SNAP91: variants seen among roughly 807,000 people sequenced by gnomAD.
SNAP91 encodes synaptosome associated protein 91.
In SNAP91, 27 loss-of-function variants were observed where a neutral mutation model predicts 100.3. The ratio of observed to expected loss-of-function variants is 0.27; its 90% CI spans 0.20 to 0.37. The LOEUF (loss-of-function observed/expected upper bound fraction) is 0.37. Among genes scored for constraint, SNAP91 ranks in the 10% least tolerant of loss-of-function variants. SNAP91 has a pLI of 1.00. For missense variants in SNAP91, 986 were observed against 1,123.7 expected (o/e 0.88, Z 1.75); for synonymous variants, 404 against 398.6 (o/e 1.01, Z -0.16).
rs773591036 is a variant in SNAP91 at position 83,601,575 on chromosome 6, C to G, written c.1156+10G>C. ...TCAAAATGGAAGTTTAAAAACAAAG[C>G]TTTACTCACCCTCTCCCAAAAGGTC... On this transcript the variant is annotated intron_variant, in intron 15 of 29. Transcript: ENST00000369694. 1.9e-5 allele frequency: 31 copies of G among 1,613,366 alleles called. No individual in the cohort carries two copies. Among genetic ancestry groups the G allele is most frequent in the Non-Finnish European group, 2.5e-5 (29 of 1,179,546 alleles).
At chr6:83,621,456 C>A (rs2096725627) in intron 9 of SNAP91, among the ~76,000 whole-genome samples, 1 of 151,950 alleles carries the variant, frequency 6.6e-6, no homozygotes, top group African/African-American at 2.4e-5. Flanking sequence ...TCTAACAGAC[C>A]CAGGGCAAGA....
At chr6:83,698,648 G>A (rs921078926) in intron 2 of SNAP91, among the ~76,000 whole-genome samples, 6 of 152,062 alleles carry the variant, frequency 3.9e-5, no homozygotes, top group African/African-American at 1.2e-4. Flanking sequence ...GTAGATAAGG[G>A]AAAAAAATAT....
At chr6:83,609,316 C>T (rs1425265351) in intron 12 of SNAP91, among the ~76,000 whole-genome samples, 1 of 152,008 alleles carries the variant, frequency 6.6e-6, no homozygotes. Flanking sequence ...AAGGATGCCA[C>T]AATTTTACGA....
chr6:83,634,515 C>T (rs2097350391), intron 8 of SNAP91, among the ~76,000 whole-genome samples: 1 of 152,092 alleles, frequency 6.6e-6, no homozygotes, highest in African/African-American at 2.4e-5. Context: ...TGATTTATTC[C>T]TGCAGTCATT....
intron 22 of SNAP91, among the ~76,000 whole-genome samples, chr6:83,583,924 GT>G (rs908113469): frequency 1.1e-4 from 17 of 152,104 alleles, no homozygotes; most frequent in Non-Finnish European, 2.2e-4. Flanking sequence ...TTGGAAAAAA[GT>G]TTTTTATTAG....
At chr6:83,683,206 A>C (rs1182930846) in intron 2 of SNAP91, among the ~76,000 whole-genome samples, 1 of 151,874 alleles carries the variant, frequency 6.6e-6, no homozygotes, top group Admixed American at 6.6e-5. Flanking sequence ...TTCTTCCCCC[A>C]ATCTCTTAAA....
At chr6:83,625,910 T>A (rs2096910812) in intron 8 of SNAP91, among the ~76,000 whole-genome samples, 1 of 152,146 alleles carries the variant, frequency 6.6e-6, no homozygotes, top group African/African-American at 2.4e-5. Context: ...TTGTTGCAAT[T>A]GCTTTTGAGG....
intron 27 of SNAP91, among the ~76,000 whole-genome samples, 153 bp downstream of exon 27, chr6:83,560,711 G>C (rs1032805310): frequency 1.3e-5 from 2 of 152,164 alleles, no homozygotes; most frequent in Non-Finnish European, 2.9e-5. Flanking sequence ...TTCATGTGTA[G>C]ACTACCTAAG....
intron 9 of SNAP91, among the ~76,000 whole-genome samples, chr6:83,617,756 T>C (rs1042937006): frequency 5.3e-5 from 8 of 151,868 alleles, no homozygotes; most frequent in Non-Finnish European, 1.2e-4. Context: ...TGATGACATT[T>C]CACTGTATAC....
At chr6:83,555,623 C>T (rs1329359869) in intron 29 of SNAP91, among the ~76,000 whole-genome samples, 4 of 152,070 alleles carry the variant, frequency 2.6e-5, no homozygotes, top group African/African-American at 2.4e-5. Flanking sequence ...TGAGTCATTT[C>T]ATAAATTATA....
chr6:83,655,225 A>T (rs1243781781), intron 7 of SNAP91, among the ~76,000 whole-genome samples: 7 of 152,194 alleles, frequency 4.6e-5, no homozygotes, highest in Non-Finnish European at 1.0e-4. Context: ...GAAATTTTGT[A>T]CCTTGCACTC....
chr6:83,671,909 TCTGA>T (rs2128830600), intron 2 of SNAP91, among the ~76,000 whole-genome samples: 1 of 152,212 alleles, frequency 6.6e-6, no homozygotes, highest in Non-Finnish European at 1.5e-5. Context: ...TAAACTCTTC[TCTGA>T]GTCATCTCCA....
At chr6:83,567,686 T>C (rs1357815849) in intron 26 of SNAP91, among the ~76,000 whole-genome samples, 5 of 152,024 alleles carry the variant, frequency 3.3e-5, no homozygotes, top group East Asian at 1.9e-4. Flanking sequence ...AAAAAGTGGG[T>C]GAAGGATATG....
chr6:83,600,199 G>A (rs1161615524), intron 16 of SNAP91, among the ~76,000 whole-genome samples: 4 of 152,184 alleles, frequency 2.6e-5, no homozygotes, highest in African/African-American at 9.7e-5. Flanking sequence ...CTTTTGTGCA[G>A]CAGTGGCAAC....
intron 28 of SNAP91, among the ~76,000 whole-genome samples, chr6:83,559,870 C>T (rs920728275): frequency 4.7e-4 from 72 of 152,056 alleles, no homozygotes; most frequent in African/African-American, 1.7e-3. Context: ...TCTCAGGAAC[C>T]AATATGAATT....
At chr6:83,633,725 G>A (rs867254064) in intron 8 of SNAP91, among the ~76,000 whole-genome samples, 2 of 152,136 alleles carry the variant, frequency 1.3e-5, no homozygotes, top group Non-Finnish European at 1.5e-5. Flanking sequence ...CATTCCCACT[G>A]TGCCCCCCAG....
chr6:83,612,559 A>T (rs1315266263), intron 11 of SNAP91, among the ~76,000 whole-genome samples: 1 of 152,062 alleles, frequency 6.6e-6, no homozygotes, highest in African/African-American at 2.4e-5. Context: ...AGTGGTATTG[A>T]TACAATTATA....
chr6:83,618,619 AT>A (rs1413511551), intron 9 of SNAP91, among the ~76,000 whole-genome samples: 6 of 152,020 alleles, frequency 3.9e-5, no homozygotes, highest in Non-Finnish European at 7.4e-5. Context: ...AAATAAAAAA[AT>A]AAATGGCTTC....
At chr6:83,687,771 A>T (rs1038378214) in intron 2 of SNAP91, among the ~76,000 whole-genome samples, 3 of 152,194 alleles carry the variant, frequency 2.0e-5, no homozygotes, top group Non-Finnish European at 4.4e-5. Flanking sequence ...TGGGACTAGC[A>T]GGGGCAGAGG....
Sources: allele counts gnomAD v4.1 joint callset (sites outside exome capture counted in the v4.1 genomes callset), GRCh38; gene constraint gnomAD v4.1.1; transcripts MANE v1.5; gene names NCBI Gene and HGNC (gene_info 2026-07-23, HGNC 2026-07-21).